The following ASIC2 variants were observed in gnomAD, a reference collection of about 807,000 sequenced individuals.
The protein encoded by ASIC2 is acid sensing ion channel subunit 2, also known as acid-sensing ion channel 2.
Under a neutral mutation model 57.3 loss-of-function variants are expected in ASIC2, and 25 were observed. The observed-to-expected ratio is 0.44, with a 90% CI of 0.32 to 0.61. The LOEUF is 0.61. ASIC2 is among the 20% of genes least tolerant of loss of function. The probability of loss-of-function intolerance (pLI) is 0.06; values close to 1 mark genes in which losing one functional copy is unlikely to be tolerated. For synonymous variants in ASIC2, 319 were observed against 307.5 expected, an observed-to-expected ratio of 1.04 and a Z score of -0.39; for missense variants, 641 against 738.1, an observed-to-expected ratio of 0.87 and a Z score of 1.52.
At chr17:33,346,629 G>C (rs568373517) in intron 1 of ASIC2, among the ~76,000 whole-genome samples, 2 of 152,272 alleles carry the variant, frequency 1.3e-5, no homozygotes, top group South Asian at 2.1e-4. Flanking sequence ...TTAGGCATCC[G>C]TGCAAAGATA....
chr17:33,272,698 T>C (rs148865927), intron 1 of ASIC2, among the ~76,000 whole-genome samples: 9 of 152,310 alleles, frequency 5.9e-5, no homozygotes, highest in African/African-American at 1.9e-4. Flanking sequence ...TCATCCACCA[T>C]CATCACCATC....
chr17:34,054,075 A>G (rs895932524), intron 1 of ASIC2, among the ~76,000 whole-genome samples: 2 of 152,284 alleles, frequency 1.3e-5, no homozygotes, highest in Admixed American at 1.3e-4. Flanking sequence ...ACAAGAGATG[A>G]AAGAGCAGTC....
chr17:34,022,337 C>G (rs1304866148), intron 1 of ASIC2, among the ~76,000 whole-genome samples: 3 of 152,198 alleles, frequency 2.0e-5, no homozygotes, highest in Non-Finnish European at 4.4e-5. Flanking sequence ...CCCTCTATCT[C>G]TGGCTGTTCC....
chr17:33,567,290 G>C (rs1229587328), intron 1 of ASIC2, among the ~76,000 whole-genome samples: 1 of 152,120 alleles, frequency 6.6e-6, no homozygotes, highest in Non-Finnish European at 1.5e-5. Flanking sequence ...GAAAGCCCCA[G>C]GGTGAGAACA....
chr17:33,358,543 G>A (rs1908476676), intron 1 of ASIC2, among the ~76,000 whole-genome samples: 1 of 152,034 alleles, frequency 6.6e-6, no homozygotes, highest in African/African-American at 2.4e-5. Flanking sequence ...GCATTGAGTT[G>A]CAAAAGGGAA....
chr17:33,166,971 A>C (rs1004218666), intron 1 of ASIC2, among the ~76,000 whole-genome samples: 8 of 152,222 alleles, frequency 5.3e-5, no homozygotes, highest in African/African-American at 1.9e-4. Context: ...TCACAGAATC[A>C]CAATATCTTA....
intron 1 of ASIC2, among the ~76,000 whole-genome samples, chr17:34,134,676 G>A (rs1253603425): frequency 6.6e-6 from 1 of 152,202 alleles, no homozygotes. Flanking sequence ...CTCAATGCCA[G>A]TTTGCACCAC....
chr17:33,581,411 C>G (rs1401180148), intron 1 of ASIC2: 1 of 152,198 alleles, frequency 6.6e-6, no homozygotes, highest in Non-Finnish European at 1.5e-5. Flanking sequence ...TTGACTTCAG[C>G]ACTATGACAT....
rs546960397 is a variant in ASIC2, at chr17:33,683,359, C to A, written c.555+472619G>T. Among the ~76,000 whole-genome samples, 4 of 152,306 alleles carry A rather than the reference C, an allele frequency of 2.6e-5. No individual in the cohort carries two copies. In the East Asian group the frequency reaches 7.7e-4, roughly 29 times the overall value. On this transcript the variant is annotated intron_variant, in intron 1 of 9. Transcript: ENST00000359872. ...GGGATTACAGGTGTGAGCCACCGCA[C>A]CTTGCCTAATTTTAGTTTTTAATTC... is the stretch of plus-strand genomic sequence containing the variant.
At chr17:33,873,853 G>T (rs887406973) in intron 1 of ASIC2, among the ~76,000 whole-genome samples, 3 of 152,140 alleles carry the variant, frequency 2.0e-5, no homozygotes, top group Admixed American at 2.0e-4. Context: ...CTCTTTGTGA[G>T]AGAATAGTCT....
At chr17:34,070,091 C>T (rs1221221651) in intron 1 of ASIC2, 1 of 152,066 alleles carries the variant, frequency 6.6e-6, no homozygotes, top group Admixed American at 6.5e-5. Context: ...ACTTTAGAGA[C>T]AGTTTTTCAG....
At chr17:33,276,159 C>T (rs1904694669) in intron 1 of ASIC2, among the ~76,000 whole-genome samples, 1 of 151,876 alleles carries the variant, frequency 6.6e-6, no homozygotes, top group South Asian at 2.1e-4. Context: ...GGCACAGTGC[C>T]TGGTATATAG....
At chr17:33,848,463 C>T (rs990184511) in intron 1 of ASIC2, among the ~76,000 whole-genome samples, 2 of 152,142 alleles carry the variant, frequency 1.3e-5, no homozygotes, top group Non-Finnish European at 2.9e-5. Context: ...AGCCCAAAAG[C>T]AACAGAGGAC....
At chr17:33,884,867 A>C (rs570752801) in intron 1 of ASIC2, among the ~76,000 whole-genome samples, 6 of 152,316 alleles carry the variant, frequency 3.9e-5, no homozygotes, top group Admixed American at 1.3e-4. Flanking sequence ...CTTTGCCTGC[A>C]TTCAGTAAAT....
chr17:33,581,539 A>G (rs1335414640), intron 1 of ASIC2: 3 of 152,236 alleles, frequency 2.0e-5, no homozygotes, highest in African/African-American at 4.8e-5. Flanking sequence ...GGACTGAAAC[A>G]TAGGAACGAA....
chr17:33,634,431 A>G (rs999830039), intron 1 of ASIC2, among the ~76,000 whole-genome samples: 5 of 152,182 alleles, frequency 3.3e-5, no homozygotes, highest in Admixed American at 3.3e-4. Flanking sequence ...TTGTTCATTC[A>G]AAAAAGCATT....
chr17:33,412,466 A>G (rs1262276392), intron 1 of ASIC2, among the ~76,000 whole-genome samples: 14 of 152,220 alleles, frequency 9.2e-5, no homozygotes, highest in Non-Finnish European at 1.5e-4. Flanking sequence ...CCTATGCAAC[A>G]GTCCTTGAGG....
chr17:33,700,561 A>C (rs1244193308), intron 1 of ASIC2, among the ~76,000 whole-genome samples: 1 of 152,202 alleles, frequency 6.6e-6, no homozygotes, highest in Non-Finnish European at 1.5e-5. Flanking sequence ...AGAATGGAGA[A>C]ATAAGTTCCA....
chr17:34,143,589 C>G (rs889356300), intron 1 of ASIC2, among the ~76,000 whole-genome samples: 11 of 152,210 alleles, frequency 7.2e-5, no homozygotes, highest in African/African-American at 2.4e-4. Flanking sequence ...CAGCACAAGG[C>G]TCTCAGCAGA....
Sources: gnomAD v4.1 joint callset for allele counts (sites outside exome capture counted in the v4.1 genomes callset) on GRCh38, gnomAD v4.1.1 for gene constraint, MANE v1.5 for transcripts, NCBI Gene and HGNC (gene_info 2026-07-23, HGNC 2026-07-21) for gene names.